Variants in STPG2 observed in about 807,000 individuals in gnomAD.
The protein encoded by STPG2 is sperm-tail PG-rich repeat-containing protein 2.
A neutral mutation model predicts 54.2 loss-of-function variants in STPG2; 56 were observed. The ratio of observed to expected loss-of-function variants is 1.03; its 90% CI spans 0.83 to 1.29. STPG2 has a LOEUF of 1.29. Ranked by LOEUF, STPG2 falls within the 50% of genes most tolerant of loss-of-function variation. STPG2 has a pLI of 0.00. For synonymous variants in STPG2, 200 were observed against 181.8 expected, an observed-to-expected ratio of 1.10 and a Z score of -0.81; for missense variants, 596 against 544.9, an observed-to-expected ratio of 1.09 and a Z score of -0.93.
At chr4:98,066,062 T>A (rs1737825361) in intron 5 of STPG2, among the ~76,000 whole-genome samples, 1 of 151,616 alleles carries the variant, frequency 6.6e-6, no homozygotes, top group Admixed American at 6.6e-5. Flanking sequence ...TATATACCTA[T>A]CAAGGCTGAG....
chr4:97,702,380 G>A (rs1723805295), intron 10 of STPG2, among the ~76,000 whole-genome samples: 1 of 152,050 alleles, frequency 6.6e-6, no homozygotes, highest in East Asian at 1.9e-4. Context: ...CCAGATTTCT[G>A]TTTATATAAG....
At chr4:97,621,848 C>A (rs777974364) in intron 10 of STPG2, among the ~76,000 whole-genome samples, 1 of 152,170 alleles carries the variant, frequency 6.6e-6, no homozygotes, top group Non-Finnish European at 1.5e-5. Flanking sequence ...AGGCCAATAT[C>A]TTTGATGAAC....
chr4:97,569,027 C>G (rs921021204), intron 10 of STPG2, among the ~76,000 whole-genome samples: 2 of 151,938 alleles, frequency 1.3e-5, no homozygotes, highest in Non-Finnish European at 2.9e-5. Context: ...AAAGTGAAAG[C>G]AAGTTTATTA....
chr4:97,972,254 A>T, intron 7 of STPG2, 26 bp downstream of exon 7: 1 of 1,467,660 alleles, frequency 6.8e-7, no homozygotes, highest in Non-Finnish European at 9.2e-7. Context: ...AACATAAAGA[A>T]TATTATTTTT....
chr4:97,545,273 T>C (rs1477923944), intron 4 of STPG2, among the ~76,000 whole-genome samples: 1 of 152,102 alleles, frequency 6.6e-6, no homozygotes, highest in African/African-American at 2.4e-5. Flanking sequence ...AAACACAAAG[T>C]GATTTTCTAT....
At chr4:97,518,439 TATGAC>T (rs1731117962) in intron 4 of STPG2, among the ~76,000 whole-genome samples, 1 of 152,104 alleles carries the variant, frequency 6.6e-6, no homozygotes, top group South Asian at 2.1e-4. Flanking sequence ...GGTTAAAAGT[TATGAC>T]ATGATAACAC....
At chr4:97,962,276 G>C (rs1733918338) in intron 7 of STPG2, among the ~76,000 whole-genome samples, 1 of 151,998 alleles carries the variant, frequency 6.6e-6, no homozygotes, top group Non-Finnish European at 1.5e-5. Context: ...TGGGATGATG[G>C]ATGCACCAAA....
At chr4:98,049,374 A>T (rs1348141630) in intron 5 of STPG2, among the ~76,000 whole-genome samples, 5 of 152,204 alleles carry the variant, frequency 3.3e-5, no homozygotes, top group Non-Finnish European at 2.9e-5. Context: ...AACACTAAGG[A>T]TAACACTAAA....
intron 10 of STPG2, among the ~76,000 whole-genome samples, chr4:97,640,661 C>T (rs1389867295): frequency 1.3e-5 from 2 of 150,784 alleles, no homozygotes; most frequent in Non-Finnish European, 3.0e-5. Context: ...CAAACAAACA[C>T]AAAAATATTC....
At chr4:97,883,271 C>T (rs1368769154) in intron 8 of STPG2, among the ~76,000 whole-genome samples, 2 of 150,622 alleles carry the variant, frequency 1.3e-5, no homozygotes, top group African/African-American at 2.4e-5. Context: ...TCCTGTAGTC[C>T]CAGCTACTCG....
At chr4:97,487,010 C>T (rs533224732) in intron 4 of STPG2, among the ~76,000 whole-genome samples, 1 of 151,400 alleles carries the variant, frequency 6.6e-6, no homozygotes, top group Admixed American at 6.6e-5. Flanking sequence ...AAACCAAACA[C>T]TGTATGTTCT....
chr4:98,122,894 C>T lies in STPG2; in HGVS notation c.387+5534G>A, dbSNP rs182521787. ...CAGAACTCATTATTGGTCTATTCAG[C>T]GATTCAACTTCTTCCTGGTTCAGTC... is the stretch of plus-strand genomic sequence containing the variant. On this transcript the variant is annotated intron_variant, in intron 3 of 10. Coordinates refer to ENST00000295268, the MANE Select transcript of STPG2 (RefSeq NM_174952.3). 1.3e-4 allele frequency among the ~76,000 whole-genome samples: 20 copies of T among 152,146 alleles called. No homozygotes were observed. The East Asian group carries it at 1.9e-3, about 15-fold the overall frequency.
chr4:97,799,477 A>G (rs1727308404), intron 9 of STPG2, among the ~76,000 whole-genome samples: 1 of 152,160 alleles, frequency 6.6e-6, no homozygotes. Context: ...TTTGGGTTGA[A>G]AATTCTTTTC....
chr4:97,555,258 C>T (rs1732050796), downstream of STPG2, among the ~76,000 whole-genome samples: 1 of 152,250 alleles, frequency 6.6e-6, no homozygotes, highest in African/African-American at 2.4e-5. Context: ...TACATATTTA[C>T]TCATTTCTTT....
At chr4:98,025,343 C>T in intron 5 of STPG2, 1 of 262,794 alleles carries the variant, frequency 3.8e-6, no homozygotes, top group Non-Finnish European at 7.5e-6. Flanking sequence ...TGGCTGTGGC[C>T]CTTTCCACCC....
intron 8 of STPG2, among the ~76,000 whole-genome samples, chr4:97,886,104 T>G (rs1177875407): frequency 6.6e-6 from 1 of 152,172 alleles, no homozygotes; most frequent in Admixed American, 6.5e-5. Flanking sequence ...ATACTTATAA[T>G]TCAACAAAAT....
chr4:97,858,674 T>C (rs1306910493), intron 8 of STPG2, among the ~76,000 whole-genome samples: 3 of 152,182 alleles, frequency 2.0e-5, no homozygotes, highest in African/African-American at 7.2e-5. Flanking sequence ...CCTCAGTTAC[T>C]TCACCTAGAA....
At chr4:98,116,667 G>A (rs1739532980) in intron 3 of STPG2, among the ~76,000 whole-genome samples, 1 of 151,792 alleles carries the variant, frequency 6.6e-6, no homozygotes, top group Non-Finnish European at 1.5e-5. Context: ...AAGATTAATT[G>A]TCACATTGTT....
chr4:97,470,024 C>G (rs1021252825), intron 4 of STPG2, among the ~76,000 whole-genome samples: 8 of 152,046 alleles, frequency 5.3e-5, no homozygotes, highest in Middle Eastern at 3.4e-3. Context: ...AAAAAATATC[C>G]TTATGTAACA....
Sources: gnomAD v4.1 joint callset for allele counts (sites outside exome capture counted in the v4.1 genomes callset) on GRCh38, gnomAD v4.1.1 for gene constraint, MANE v1.5 for transcripts, NCBI Gene and HGNC (gene_info 2026-07-23, HGNC 2026-07-21) for gene names.